The following QPRT variants were observed in gnomAD, a reference collection of about 807,000 sequenced individuals.
The protein encoded by QPRT is nicotinate-nucleotide pyrophosphorylase [carboxylating].
QPRT carries 17 observed loss-of-function variants against 19.8 expected under a neutral mutation model. The observed-to-expected ratio is 0.86, with a 90% CI of 0.59 to 1.29. The LOEUF (loss-of-function observed/expected upper bound fraction) is 1.29, where lower values mean the gene tolerates loss of function less well. QPRT is among the 50% of genes most tolerant of loss of function. The probability of loss-of-function intolerance (pLI) is 0.00; values close to 1 mark genes in which losing one functional copy is unlikely to be tolerated. For missense variants in QPRT, 336 were observed against 405.1 expected (o/e 0.83, Z 1.46); for synonymous variants, 178 against 191.0 (o/e 0.93, Z 0.56).
intron 1 of QPRT, among the ~76,000 whole-genome samples, chr16:29,690,612 T>C (rs1000048681): frequency 2.6e-5 from 4 of 152,162 alleles, no homozygotes; most frequent in African/African-American, 7.2e-5. Flanking sequence ...AATGGGATCA[T>C]ACGGCCTTTT....
At chr16:29,679,247 A>T (rs1596782241) in intron 1 of QPRT, 37 bp downstream of exon 1, 1 of 1,537,534 alleles carries the variant, frequency 6.5e-7, no homozygotes, top group East Asian at 2.3e-5. Flanking sequence ...CCCTGCACCC[A>T]TCCCCCCACT....
At chr16:29,688,461 A>G (rs1307895607) in intron 1 of QPRT, among the ~76,000 whole-genome samples, 1 of 152,152 alleles carries the variant, frequency 6.6e-6, no homozygotes, top group African/African-American at 2.4e-5. Flanking sequence ...AACCTGAGTG[A>G]GGTTTGGCTA....
chr16:29,697,766 A>G lies in QPRT; in HGVS notation c.*355A>G, dbSNP rs1214076256. 2 of 194,506 alleles carry G rather than the reference A, an allele frequency of 1.0e-5. No individual in the cohort carries two copies. The highest frequency in any genetic ancestry group is 4.7e-5 in the African/African-American group (2 of 42,728). 12.0% of individuals were successfully genotyped at this position (194,506 alleles called of 1,614,324 possible). A position where few individuals can be genotyped will look rare whatever the true frequency, so the allele number is the denominator to read the frequency against. On this transcript the variant is annotated 3_prime_UTR_variant, in exon 4 of 4. Transcript: ENST00000395384. The surrounding 1 kb of genome is among the most constrained non-coding windows in gnomAD (Gnocchi z 4.4). Reference sequence around the variant, plus strand: ...TTTGGGAGGCTGAGGCGGGAAGATCACTTGAGTTCAGGAGTTTGAGACCAG... The same window carrying G: ...TTTGGGAGGCTGAGGCGGGAAGATCGCTTGAGTTCAGGAGTTTGAGACCAG...
upstream of QPRT, chr16:29,679,153 G>T (rs1966915838): frequency 6.2e-7 from 1 of 1,613,642 alleles, no homozygotes; most frequent in Non-Finnish European, 8.5e-7. Flanking sequence ...TGGGAGCCTT[G>T]GTCCTGAGCA....
chr16:29,696,770 G>A (rs889815952), intron 2 of QPRT: 10 of 504,322 alleles, frequency 2.0e-5, no homozygotes, highest in Non-Finnish European at 3.5e-5. Flanking sequence ...GACAGGTTGA[G>A]ACCCTGTCTC....
intron 1 of QPRT, among the ~76,000 whole-genome samples, chr16:29,693,821 C>G (rs1239160458): frequency 1.3e-5 from 2 of 152,082 alleles, no homozygotes; most frequent in African/African-American, 2.4e-5. Flanking sequence ...AACTCCTGAC[C>G]TCAGGTGATC....
intron 2 of QPRT, chr16:29,696,132 G>C (rs577855827): frequency 1.3e-5 from 2 of 152,116 alleles, no homozygotes; most frequent in Admixed American, 1.3e-4. Flanking sequence ...TTGAGCTCAG[G>C]TCCAAATGCC....
chr16:29,687,299 T>G (rs1252171271), intron 1 of QPRT, among the ~76,000 whole-genome samples: 1 of 152,240 alleles, frequency 6.6e-6, no homozygotes, highest in Non-Finnish European at 1.5e-5. Flanking sequence ...CTGAACCATA[T>G]AAATGTGCTG....
chr16:29,689,532 G>C (rs1320090804), intron 1 of QPRT, among the ~76,000 whole-genome samples: 1 of 152,068 alleles, frequency 6.6e-6, no homozygotes, highest in Non-Finnish European at 1.5e-5. Context: ...TGATCCTCTT[G>C]AGGGAAGAGA....
At chr16:29,692,729 C>T (rs1967386851) in intron 1 of QPRT, among the ~76,000 whole-genome samples, 1 of 151,984 alleles carries the variant, frequency 6.6e-6, no homozygotes, top group South Asian at 2.1e-4. Flanking sequence ...GCCACAGTGG[C>T]GACAGAGCGA....
chr16:29,696,873 C>A, intron 2 of QPRT, 123 bp from the exon 3 acceptor site: 1 of 1,200,272 alleles, frequency 8.3e-7, no homozygotes, highest in Non-Finnish European at 1.1e-6. Flanking sequence ...ATGTCAGTCC[C>A]GGCTCCCCGC....
Position 29,697,475 on chromosome 16 carries a change from C to T in QPRT, c.*64C>T. ...CGTGGCTCCTCAGGACCCTCTGGGT[C>T]ACACATCTTTAGGGTCAGTGGCCAA... On this transcript the variant is annotated 3_prime_UTR_variant, in exon 4 of 4. Coordinates refer to ENST00000395384, the MANE Select transcript of QPRT (RefSeq NM_014298.6). The surrounding 1 kb of genome is among the most constrained non-coding windows in gnomAD (Gnocchi z 4.4). 1 of 1,505,680 alleles carries T rather than the reference C, an allele frequency of 6.6e-7. No homozygotes were observed. The highest frequency in any genetic ancestry group is 9.0e-7 in the Non-Finnish European group (1 of 1,109,752). 93.3% of individuals were successfully genotyped at this position (1,505,680 alleles called of 1,614,324 possible).
intron 1 of QPRT, 44 bp downstream of exon 1, chr16:29,679,254 C>A (rs765718456): frequency 3.4e-6 from 5 of 1,489,456 alleles, no homozygotes; most frequent in Admixed American, 3.4e-5. Flanking sequence ...CCCATCCCCC[C>A]ACTGCCTACC....
Position 29,694,384 on chromosome 16 carries a change from A to G in QPRT, c.14-280A>G, listed in dbSNP as rs970516844. ...TCCGCCCGCCTCGGCCTCTCAAAGT[A>G]CTGGGATTACAGGCGTGAGCCACCG... is the stretch of plus-strand genomic sequence containing the variant. On this transcript the variant is annotated intron_variant, in intron 1 of 3. Coordinates refer to ENST00000395384, the MANE Select transcript of QPRT (RefSeq NM_014298.6). Among the ~76,000 whole-genome samples, 28 of 148,478 alleles carry G rather than the reference A, an allele frequency of 1.9e-4. 1 individual carries two copies. The highest frequency in any genetic ancestry group is 3.7e-4 in the Non-Finnish European group (25 of 66,838).
intron 1 of QPRT, among the ~76,000 whole-genome samples, chr16:29,683,979 C>CA: frequency 6.6e-6 from 1 of 152,182 alleles, no homozygotes; most frequent in Non-Finnish European, 1.5e-5. Flanking sequence ...GCACAGGCCT[C>CA]ACAGTTGCTA....
chr16:29,685,742 G>A (rs1052319721), intron 1 of QPRT, among the ~76,000 whole-genome samples: 13 of 152,258 alleles, frequency 8.5e-5, no homozygotes, highest in African/African-American at 3.1e-4. Context: ...GATCACACTT[G>A]TAATCCCAGC....
Position 29,686,404 on chromosome 16 carries a change from A to G in QPRT, c.13+7194A>G, listed in dbSNP as rs182755382. Among the ~76,000 whole-genome samples the G allele has an allele frequency of 2.7e-3, 411 of 152,252 alleles. 3 individuals carry two copies. The Middle Eastern group carries it at 0.054, about 20-fold the overall frequency. The stretch of plus-strand genomic sequence containing the variant: ...TCAGAGACACCTAGTCATTTATTCC[A>G]TGAGTCCACCACACTTGAGAAACGC... On this transcript the variant is annotated intron_variant, in intron 1 of 3. Transcript: ENST00000395384.
rs1190929771 is a variant in QPRT, at chr16:29,697,150, G to A, written c.681+23G>A. The stretch of plus-strand genomic sequence containing the variant: ...GAGGTAAGGTGGGCTCTGCCTCCGG[G>A]GAGGGATCTGTGGTGGGCTCTTACC... On this transcript the variant is annotated intron_variant, in intron 3 of 3. Transcript: ENST00000395384. The surrounding 1 kb of genome is among the most constrained non-coding windows in gnomAD (Gnocchi z 4.4). 1.7e-5 allele frequency: 27 copies of A among 1,598,726 alleles called. No homozygotes were observed. The highest frequency in any genetic ancestry group is 2.3e-5 in the Non-Finnish European group (27 of 1,168,862).
chr16:29,680,945 A>G (rs965459120), intron 1 of QPRT, among the ~76,000 whole-genome samples: 2 of 152,088 alleles, frequency 1.3e-5, no homozygotes, highest in African/African-American at 4.8e-5. Context: ...CATCTCAAAA[A>G]AAAAGGAAAA....
Sources: gnomAD v4.1 joint callset for allele counts (sites outside exome capture counted in the v4.1 genomes callset) on GRCh38, gnomAD v4.1.1 for gene constraint, Gnocchi (gnomAD v3.1) non-coding constraint, MANE v1.5 for transcripts, NCBI Gene and HGNC (gene_info 2026-07-23, HGNC 2026-07-21) for gene names.